Variants in TENM3 observed in about 807,000 individuals in gnomAD.
The protein encoded by TENM3 is teneurin-3.
TENM3 carries 63 observed loss-of-function variants against 255.1 expected under a neutral mutation model. That is an observed-to-expected ratio of 0.25 (90% CI 0.20 to 0.30). The LOEUF is 0.30. TENM3 is among the 10% of genes least tolerant of loss of function. The pLI is 1.00. For synonymous variants in TENM3, 1,306 were observed against 1,322.3 expected, an observed-to-expected ratio of 0.99 and a Z score of 0.27; for missense variants, 2,929 against 3,461.1, an observed-to-expected ratio of 0.85 and a Z score of 3.86.
the TENM3 span, among the ~76,000 whole-genome samples, chr4:182,106,156 C>A: frequency 6.6e-6 from 1 of 152,148 alleles, no homozygotes; most frequent in Non-Finnish European, 1.5e-5. Flanking sequence ...CCAGACCGAC[C>A]TCTTCTAGGG....
At chr4:182,758,403 C>A (rs548477575) in intron 22 of TENM3, among the ~76,000 whole-genome samples, 35 of 152,268 alleles carry the variant, frequency 2.3e-4, no homozygotes, top group African/African-American at 8.4e-4. Context: ...TCAGACACAG[C>A]AGCACGTATT....
chr4:182,091,916 G>T, the TENM3 span, among the ~76,000 whole-genome samples: 2 of 152,128 alleles, frequency 1.3e-5, no homozygotes, highest in Non-Finnish European at 2.9e-5. Flanking sequence ...CTGAAATAAC[G>T]GGCCCAGACT....
intron 24 of TENM3, among the ~76,000 whole-genome samples, chr4:182,783,740 G>A (rs1765375900): frequency 6.6e-6 from 1 of 152,172 alleles, no homozygotes; most frequent in African/African-American, 2.4e-5. Context: ...TGTTTCTTGG[G>A]GGCTTTGCTC....
chr4:182,295,976 C>G (rs1247429288), intron 1 of TENM3, among the ~76,000 whole-genome samples: 1 of 152,026 alleles, frequency 6.6e-6, no homozygotes, highest in Non-Finnish European at 1.5e-5. Flanking sequence ...TTTGAAATAG[C>G]GTTTCACTCT....
chr4:182,718,299 G>A lies in TENM3; in HGVS notation c.2368+4066G>A, dbSNP rs1291299576. Among the ~76,000 whole-genome samples the A allele has an allele frequency of 2.0e-5, 3 of 152,254 alleles. No homozygotes were observed. The East Asian group carries it at 5.8e-4, about 29-fold the overall frequency. On this transcript the variant is annotated intron_variant, in intron 13 of 27. Transcript: ENST00000511685. ...GTTAACTCTGCTTTCTTCTACCTTA[G>A]AATCATTCTCAGGCCATCTCCTCCC...
chr4:181,988,526 T>A, the TENM3 span, among the ~76,000 whole-genome samples: 2 of 151,960 alleles, frequency 1.3e-5, no homozygotes, highest in Admixed American at 1.3e-4. Flanking sequence ...TTGTGGAAGA[T>A]GATGATGATG....
chr4:182,125,892 T>C, the TENM3 span, among the ~76,000 whole-genome samples: 1 of 151,694 alleles, frequency 6.6e-6, no homozygotes, highest in Non-Finnish European at 1.5e-5. Flanking sequence ...AATATGACAA[T>C]GCAATTTGGG....
chr4:182,331,406 T>G, intron 2 of TENM3, among the ~76,000 whole-genome samples: 1 of 151,954 alleles, frequency 6.6e-6, no homozygotes, highest in East Asian at 1.9e-4. Flanking sequence ...GTTAGCCAGG[T>G]GTGGTGGCAG....
At position 182,792,315 on chromosome 4, in the gene TENM3, C is replaced by T. The variant is rs1366155013; in HGVS notation, c.5643C>T (p.Phe1881=). The part of the protein sequence containing the change: ...LLLHSQRQYI[F]EYDMWDRLSA... ...TTCATAGCCAGCGGCAGTACATCTT[C>T]GAATACGATATGTGGGACCGCCTGT... Residue 1881 remains phenylalanine, a synonymous_variant, in exon 26 of 28, where the codon TTC becomes TTT. Transcript: ENST00000511685. This position sits in a 1 kb window ranked among gnomAD's most constrained non-coding sequence, Gnocchi z 6.3. 7.4e-6 allele frequency: 12 copies of T among 1,613,868 alleles called. No homozygotes were observed. Among genetic ancestry groups the T allele is most frequent in the Middle Eastern group, 1.6e-4 (1 of 6,084 alleles).
chr4:181,649,283 A>T, the TENM3 span, among the ~76,000 whole-genome samples: 4 of 152,208 alleles, frequency 2.6e-5, no homozygotes, highest in Non-Finnish European at 5.9e-5. Flanking sequence ...GGTGATTACA[A>T]TGAGTAATGT....
chr4:182,608,707 G>A (rs1203542357), intron 4 of TENM3, among the ~76,000 whole-genome samples: 1 of 152,156 alleles, frequency 6.6e-6, no homozygotes, highest in African/African-American at 2.4e-5. Flanking sequence ...GGCCGCTCAG[G>A]TCAGGGCTAG....
the TENM3 span, among the ~76,000 whole-genome samples, chr4:181,731,336 T>A: frequency 6.6e-6 from 1 of 152,154 alleles, no homozygotes; most frequent in African/African-American, 2.4e-5. Context: ...AAACTTCAGC[T>A]AAATTCAACA....
At chr4:181,885,260 T>C in the TENM3 span, among the ~76,000 whole-genome samples, 8 of 152,308 alleles carry the variant, frequency 5.3e-5, 1 homozygote, top group South Asian at 1.7e-3. Flanking sequence ...TTTAAAGAGA[T>C]TCAAGTTTGC....
the TENM3 span, among the ~76,000 whole-genome samples, chr4:181,842,027 C>T: frequency 0.99 from 151,066 of 152,254 alleles, 74,954 homozygotes; most frequent in Middle Eastern, 1. Flanking sequence ...TCTATATATA[C>T]TTACTGTATC....
At chr4:182,066,599 A>AAAAAAATAT in the TENM3 span, among the ~76,000 whole-genome samples, 3 of 137,104 alleles carry the variant, frequency 2.2e-5, no homozygotes, top group Non-Finnish European at 4.6e-5. Context: ...GTAAAAAAAA[A>AAAAAAATAT]ATATATATAT....
chr4:181,855,795 GAA>G, the TENM3 span, among the ~76,000 whole-genome samples: 1 of 150,810 alleles, frequency 6.6e-6, no homozygotes, highest in African/African-American at 2.4e-5. Flanking sequence ...AAAGAAAACA[GAA>G]AATGAGAATA....
intron 17 of TENM3, 28 bp downstream of exon 17, chr4:182,737,103 G>A (rs368790061): frequency 2.3e-5 from 37 of 1,594,910 alleles, no homozygotes; most frequent in Non-Finnish European, 3.0e-5. Context: ...CTTTGCTGCA[G>A]TGAAGTTTTT....
intron 5 of TENM3, among the ~76,000 whole-genome samples, chr4:182,650,889 A>AAAAAATATATAT (rs1281790163): frequency 1.3e-3 from 38 of 29,712 alleles, no homozygotes; most frequent in Admixed American, 4.4e-3. Flanking sequence ...AATAAAAAAA[A>AAAAAATATATAT]ATATATATAT....
At chr4:182,549,984 A>G (rs1470785803) in intron 3 of TENM3, among the ~76,000 whole-genome samples, 1 of 152,246 alleles carries the variant, frequency 6.6e-6, no homozygotes, top group Non-Finnish European at 1.5e-5. Flanking sequence ...CAAAATGGAA[A>G]TGCTTTGGCA....
Sources: allele counts gnomAD v4.1 joint callset (sites outside exome capture counted in the v4.1 genomes callset), GRCh38; gene constraint gnomAD v4.1.1; non-coding constraint Gnocchi (gnomAD v3.1); transcripts MANE v1.5; gene names NCBI Gene and HGNC (gene_info 2026-07-23, HGNC 2026-07-21).